ARMH3: variants seen among roughly 807,000 people sequenced by gnomAD.
ARMH3 encodes the protein armadillo like helical domain containing 3.
In ARMH3, 60 loss-of-function variants were observed where a neutral mutation model predicts 99.1. The ratio of observed to expected loss-of-function variants is 0.61; its 90% CI spans 0.49 to 0.75. The LOEUF (loss-of-function observed/expected upper bound fraction) is 0.75, where lower values mean the gene tolerates loss of function less well. Among genes scored for constraint, ARMH3 ranks in the 30% least tolerant of loss-of-function variants. The pLI is 0.00. For missense variants in ARMH3, 679 were observed against 843.1 expected, an observed-to-expected ratio of 0.81 and a Z score of 2.41; for synonymous variants, 285 against 292.8, an observed-to-expected ratio of 0.97 and a Z score of 0.27.
At position 101,855,398 on chromosome 10, in the gene ARMH3, A is replaced by G. The variant is rs532865204; in HGVS notation, c.1861-5506T>C. Among the ~76,000 whole-genome samples, 30 of 149,550 alleles carry G rather than the reference A, an allele frequency of 2.0e-4. No individual in the cohort carries two copies. The East Asian group carries it at 5.3e-3, about 27-fold the overall frequency. On this transcript the variant is annotated intron_variant, in intron 24 of 25. Coordinates refer to ENST00000370033, the MANE Select transcript of ARMH3 (RefSeq NM_024541.3). The stretch of plus-strand genomic sequence containing the variant: ...CCTCTTTTTGGCCAAGTGCTACTAC[A>G]TGGACAAAACCACAGAAATAATAGT...
chr10:101,946,071 C>CAAAAAAAAAAAAAAAAAAAAAAAAA lies in ARMH3; in HGVS notation c.1706-6158_1706-6134dup, dbSNP rs569179050. On this transcript the variant is annotated intron_variant, in intron 22 of 25. Transcript: ENST00000370033. ...TGGGCGACAGAGTAAGACTCTGCCT[C>CAAAAAAAAAAAAAAAAAAAAAAAAA]AAAAAAAAAAAAAAAAAAAAAAAAA... 2.3e-4 allele frequency among the ~76,000 whole-genome samples: 8 copies of CAAAAAAAAAAAAAAAAAAAAAAAAA among 34,486 alleles called. 1 individual carries two copies. The highest frequency in any genetic ancestry group is 1.7e-3 in the African/African-American group (7 of 4,174). 22.6% of individuals were successfully genotyped at this position (34,486 alleles called of 152,430 possible).
intron 9 of ARMH3, 151 bp downstream of exon 9, chr10:102,013,817 G>A: frequency 1.6e-6 from 1 of 633,796 alleles, no homozygotes; most frequent in African/African-American, 1.8e-5. Flanking sequence ...CGGTAGCACT[G>A]ACGCACTAAA....
chr10:102,051,456 G>A (rs1467719835), intron 1 of ARMH3, among the ~76,000 whole-genome samples: 1 of 149,838 alleles, frequency 6.7e-6, no homozygotes, highest in Non-Finnish European at 1.5e-5. Flanking sequence ...CTGGGCAACA[G>A]AGGGAGACTC....
intron 6 of ARMH3, among the ~76,000 whole-genome samples, chr10:102,024,774 A>T (rs1473248204): frequency 6.6e-6 from 1 of 151,690 alleles, no homozygotes; most frequent in Non-Finnish European, 1.5e-5. Flanking sequence ...AGCCGAGATC[A>T]CGCCATTGCA....
intron 13 of ARMH3, among the ~76,000 whole-genome samples, chr10:102,007,031 C>T (rs1387121997): frequency 6.6e-6 from 1 of 151,632 alleles, no homozygotes; most frequent in Non-Finnish European, 1.5e-5. Flanking sequence ...CATGGTGGTG[C>T]ATGCCTGTAG....
At chr10:101,930,191 T>C (rs1843662959) in intron 23 of ARMH3, among the ~76,000 whole-genome samples, 1 of 152,014 alleles carries the variant, frequency 6.6e-6, no homozygotes, top group South Asian at 2.1e-4. Context: ...GTACGTTTTA[T>C]CAATAGAATA....
chr10:102,026,863 G>A (rs2067011625), intron 5 of ARMH3, among the ~76,000 whole-genome samples: 2 of 152,226 alleles, frequency 1.3e-5, no homozygotes, highest in Admixed American at 6.5e-5. Context: ...TGGTAAGCTT[G>A]TAAGCATGGA....
intron 13 of ARMH3, 37 bp downstream of exon 13, chr10:102,009,337 G>C (rs1435857389): frequency 6.4e-7 from 1 of 1,558,892 alleles, no homozygotes; most frequent in Non-Finnish European, 8.8e-7. Flanking sequence ...ATGAAATTTA[G>C]AGAGAAAAAA....
At chr10:101,859,654 T>G (rs528570610) in intron 24 of ARMH3, among the ~76,000 whole-genome samples, 1 of 152,224 alleles carries the variant, frequency 6.6e-6, no homozygotes, top group African/African-American at 2.4e-5. Context: ...AGCTCAGCTG[T>G]GCAGTGTACT....
At chr10:101,986,719 G>A (rs543455677) in intron 19 of ARMH3, among the ~76,000 whole-genome samples, 3 of 152,314 alleles carry the variant, frequency 2.0e-5, no homozygotes, top group African/African-American at 7.2e-5. Context: ...CTGCTGCCCA[G>A]CTGGAAGCAG....
intron 2 of ARMH3, among the ~76,000 whole-genome samples, chr10:102,035,142 C>T (rs1016609847): frequency 4.0e-5 from 6 of 151,896 alleles, no homozygotes; most frequent in Non-Finnish European, 8.8e-5. Flanking sequence ...AGGCTGAGTC[C>T]GAGGCGCCCG....
intron 14 of ARMH3, 36 bp from the exon 15 acceptor site, chr10:102,002,108 A>C: frequency 1.2e-6 from 2 of 1,610,062 alleles, no homozygotes; most frequent in East Asian, 4.5e-5. Flanking sequence ...TTAGCCTGCA[A>C]CATATTCCAT....
intron 24 of ARMH3, among the ~76,000 whole-genome samples, chr10:101,877,275 A>T (rs2067292607): frequency 6.6e-6 from 1 of 151,630 alleles, no homozygotes; most frequent in Non-Finnish European, 1.5e-5. Context: ...AGGTGGTAGG[A>T]TCACTGGAGC....
intron 2 of ARMH3, among the ~76,000 whole-genome samples, chr10:102,037,770 T>C (rs1166424978): frequency 1.3e-5 from 2 of 151,908 alleles, no homozygotes; most frequent in Non-Finnish European, 2.9e-5. Context: ...ATTTTGTTAT[T>C]AGAGAGGGGA....
chr10:101,913,215 A>C (rs1842936958), intron 23 of ARMH3: 1 of 152,510 alleles, frequency 6.6e-6, no homozygotes, highest in East Asian at 1.9e-4. Context: ...TCCTGGGCTC[A>C]AGTGATCCTC....
rs1554897209 is a variant in ARMH3 at position 102,041,090 on chromosome 10, A to ATAATAT, written c.-11-966_-11-965insATATTA. ...ATTGTGTGTACATATATATATATAT[A>ATAATAT]ATATATATATATATATATATATGTA... On this transcript the variant is annotated intron_variant, in intron 1 of 25. Transcript: ENST00000370033. Among the ~76,000 whole-genome samples the ATAATAT allele has an allele frequency of 3.6e-3, 478 of 132,606 alleles. 8 individuals carry two copies. The South Asian group carries it at 0.045, about 13-fold the overall frequency. 87.0% of individuals were successfully genotyped at this position (132,606 alleles called of 152,430 possible).
At chr10:101,897,953 C>T (rs192978013) in intron 23 of ARMH3, among the ~76,000 whole-genome samples, 23 of 152,288 alleles carry the variant, frequency 1.5e-4, no homozygotes, top group African/African-American at 5.3e-4. Flanking sequence ...TTCTCTCTGA[C>T]TCATGACTCT....
At chr10:101,889,337 C>A (rs920124520) in intron 24 of ARMH3, 75 bp downstream of exon 24, 1 of 1,380,364 alleles carries the variant, frequency 7.2e-7, no homozygotes, top group African/African-American at 1.4e-5. Flanking sequence ...TCACAGAATC[C>A]CCCTGCCATC....
At chr10:101,944,124 T>C (rs1844367836) in intron 22 of ARMH3, among the ~76,000 whole-genome samples, 2 of 146,198 alleles carry the variant, frequency 1.4e-5, no homozygotes, top group Admixed American at 1.4e-4. Flanking sequence ...CTGAGGAAAA[T>C]TTGAAAATGA....
Sources: allele counts gnomAD v4.1 joint callset (sites outside exome capture counted in the v4.1 genomes callset), GRCh38; gene constraint gnomAD v4.1.1; transcripts MANE v1.5; gene names NCBI Gene and HGNC (gene_info 2026-07-23, HGNC 2026-07-21).